SYT2: variants seen among roughly 807,000 people sequenced by gnomAD.
SYT2 encodes the protein synaptotagmin 2, also known as synaptotagmin-2.
SYT2 carries 15 observed loss-of-function variants against 39.9 expected under a neutral mutation model. The ratio of observed to expected loss-of-function variants is 0.38; its 90% confidence interval spans 0.25 to 0.58. The LOEUF is 0.58. Ranked by LOEUF, SYT2 falls within the 20% of genes least tolerant of loss-of-function variation. The pLI is 0.70. For synonymous variants in SYT2, 181 were observed against 204.5 expected (o/e 0.89, Z 0.98); for missense variants, 389 against 530.3 (o/e 0.73, Z 2.62).
chr1:202,630,389 T>C (rs1691550345), intron 1 of SYT2: 1 of 985,212 alleles, frequency 1.0e-6, no homozygotes. Flanking sequence ...GGCTTTCCCA[T>C]GATGCACAGG....
intron 1 of SYT2, among the ~76,000 whole-genome samples, chr1:202,630,761 T>TGA (rs1182853506): frequency 2.0e-5 from 3 of 151,806 alleles, no homozygotes; most frequent in African/African-American, 4.8e-5. Context: ...GGCCTCAAGG[T>TGA]TTTCCCTCAC....
chr1:202,654,650 A>AAC (rs370261575), intron 1 of SYT2, among the ~76,000 whole-genome samples: 7 of 152,062 alleles, frequency 4.6e-5, no homozygotes, highest in Non-Finnish European at 8.8e-5. Flanking sequence ...GCCCCCGCCC[A>AAC]ACACACACAC....
intron 6 of SYT2, among the ~76,000 whole-genome samples, chr1:202,600,771 C>T (rs1220827179): frequency 6.6e-6 from 1 of 152,078 alleles, no homozygotes; most frequent in Admixed American, 6.5e-5. Flanking sequence ...AGGGAGGGAT[C>T]CCTGGGTGGA....
chr1:202,705,825 C>T (rs190486388), intron 1 of SYT2, among the ~76,000 whole-genome samples: 11 of 152,022 alleles, frequency 7.2e-5, no homozygotes, highest in Admixed American at 3.3e-4. Context: ...AGGCGATCCT[C>T]CTGCTTAACC....
rs1690456404 is a variant in SYT2, at chr1:202,600,384, T to C, written c.892A>G (p.Lys298Glu). The change falls in exon 7 of 9, where the codon AAG becomes GAG. Residue 298 changes from lysine to glutamate, a missense_variant. Coordinates refer to ENST00000367268, the MANE Select transcript of SYT2 (RefSeq NM_177402.5). ...GAAAGGCCGCCCACGTCCATCTTCT[T>C]GAGGTTCTTAGCCTCCAGGATGCAG... ...TVCILEAKNL[K>E]KMDVGGLSDP... 6.2e-7 allele frequency: 1 copy of C among 1,613,188 alleles called. No homozygotes were observed. Among genetic ancestry groups the C allele is most frequent in the Non-Finnish European group, 8.5e-7 (1 of 1,179,116 alleles).
chr1:202,605,294 T>C (rs1690664112), intron 2 of SYT2: 1 of 240,940 alleles, frequency 4.2e-6, no homozygotes, highest in Non-Finnish European at 8.0e-6. Context: ...CAAACTTGAA[T>C]AGTGACTTCT....
At chr1:202,603,190 A>G in intron 3 of SYT2, 72 bp from the exon 4 acceptor site, 1 of 1,574,390 alleles carries the variant, frequency 6.4e-7, no homozygotes. Context: ...GCACAGGATG[A>G]CGGGAAACCA....
At chr1:202,702,021 G>T (rs1654134562) in intron 1 of SYT2, among the ~76,000 whole-genome samples, 1 of 152,168 alleles carries the variant, frequency 6.6e-6, no homozygotes, top group Non-Finnish European at 1.5e-5. Context: ...CCTCTCCTCT[G>T]CCCCTTCCCC....
chr1:202,643,781 G>A (rs1345914061), intron 1 of SYT2, among the ~76,000 whole-genome samples: 3 of 152,124 alleles, frequency 2.0e-5, no homozygotes, highest in Non-Finnish European at 4.4e-5. Flanking sequence ...GAGGAGGGCG[G>A]GGCCGGCTCC....
At chr1:202,686,639 G>T (rs148589717) in intron 1 of SYT2, among the ~76,000 whole-genome samples, 33 of 152,192 alleles carry the variant, frequency 2.2e-4, no homozygotes, top group African/African-American at 7.7e-4. Flanking sequence ...GCACCTCTAG[G>T]CCTGGACAGA....
intron 1 of SYT2, among the ~76,000 whole-genome samples, chr1:202,618,807 A>G (rs1161820323): frequency 6.6e-6 from 1 of 152,130 alleles, no homozygotes; most frequent in Admixed American, 6.5e-5. Context: ...CTGAGAGACC[A>G]AGATTCCCTC....
intron 3 of SYT2, chr1:202,604,186 G>A (rs1690619139): frequency 2.7e-6 from 1 of 364,906 alleles, no homozygotes; most frequent in Non-Finnish European, 4.9e-6. Flanking sequence ...CCAACATTTT[G>A]TCCCAGTAGC....
intron 1 of SYT2, among the ~76,000 whole-genome samples, chr1:202,615,352 C>T (rs545166158): frequency 1.3e-5 from 2 of 152,256 alleles, no homozygotes; most frequent in Admixed American, 1.3e-4. Flanking sequence ...CTCAGTTATG[C>T]ACCCAGTACA....
chr1:202,610,164 T>G (rs1423012044), intron 1 of SYT2, among the ~76,000 whole-genome samples: 1 of 152,256 alleles, frequency 6.6e-6, no homozygotes, highest in Non-Finnish European at 1.5e-5. Context: ...CATTTCTTGT[T>G]TTTGTCAGGT....
chr1:202,626,725 C>T (rs1691428033), intron 1 of SYT2, among the ~76,000 whole-genome samples: 1 of 152,116 alleles, frequency 6.6e-6, no homozygotes, highest in Admixed American at 6.5e-5. Context: ...AGTTCTACCT[C>T]TGAAGGCAAG....
At chr1:202,643,803 G>C (rs999352364) in intron 1 of SYT2, among the ~76,000 whole-genome samples, 5 of 152,124 alleles carry the variant, frequency 3.3e-5, no homozygotes, top group African/African-American at 9.7e-5. Context: ...AGCCCCCGGA[G>C]CCCTACGGGA....
intron 1 of SYT2, among the ~76,000 whole-genome samples, chr1:202,664,657 T>C (rs891903962): frequency 4.6e-5 from 7 of 152,170 alleles, no homozygotes; most frequent in Non-Finnish European, 7.4e-5. Flanking sequence ...TGGCTCCTTT[T>C]ACTCAGCATA....
chr1:202,651,990 G>A (rs530657419), intron 1 of SYT2, among the ~76,000 whole-genome samples: 4 of 152,218 alleles, frequency 2.6e-5, no homozygotes, highest in Non-Finnish European at 4.4e-5. Context: ...CCCGGGAGGC[G>A]GAGGTTGCAG....
At chr1:202,604,818 C>CTT (rs59944538) in intron 2 of SYT2, among the ~76,000 whole-genome samples, 197 bp from the exon 3 acceptor site, 87 of 71,630 alleles carry the variant, frequency 1.2e-3, no homozygotes, top group African/African-American at 2.8e-3. Context: ...TCATGCCTTG[C>CTT]TTTTTTTTTT....
Sources: gnomAD v4.1 joint callset for allele counts (sites outside exome capture counted in the v4.1 genomes callset) on GRCh38, gnomAD v4.1.1 for gene constraint, MANE v1.5 for transcripts, NCBI Gene and HGNC (gene_info 2026-07-23, HGNC 2026-07-21) for gene names.